The following KCNH8 variants were observed in gnomAD, a reference collection of about 807,000 sequenced individuals.
The protein encoded by KCNH8 is potassium voltage-gated channel subfamily H member 8.
A neutral mutation model predicts 103.6 loss-of-function variants in KCNH8; 70 were observed. That is an observed-to-expected ratio of 0.68 (90% confidence interval 0.56 to 0.82). KCNH8 has a LOEUF of 0.82. Among genes scored for constraint, KCNH8 ranks in the 40% least tolerant of loss-of-function variants. KCNH8 has a pLI of 0.00. For missense variants in KCNH8, 1,217 were observed against 1,329.9 expected, an observed-to-expected ratio of 0.92 and a Z score of 1.32; for synonymous variants, 498 against 489.4, an observed-to-expected ratio of 1.02 and a Z score of -0.23.
intron 1 of KCNH8, among the ~76,000 whole-genome samples, chr3:19,160,153 T>C (rs989105942): frequency 6.6e-5 from 10 of 152,094 alleles, no homozygotes; most frequent in East Asian, 1.9e-4. Flanking sequence ...AAAATCAGAA[T>C]GCATAAATCT....
At chr3:19,522,268 A>G (rs2068984765) in intron 15 of KCNH8, among the ~76,000 whole-genome samples, 1 of 151,956 alleles carries the variant, frequency 6.6e-6, no homozygotes, top group African/African-American at 2.4e-5. Context: ...CTGGAGAACC[A>G]GGAGATCTGA....
chr3:19,503,440 A>C (rs1468517538), intron 11 of KCNH8, among the ~76,000 whole-genome samples: 1 of 152,162 alleles, frequency 6.6e-6, no homozygotes, highest in Non-Finnish European at 1.5e-5. Flanking sequence ...ATATACCCAA[A>C]GGACTATAAA....
At chr3:19,523,328 A>G (rs2125249376) in intron 15 of KCNH8, among the ~76,000 whole-genome samples, 1 of 152,116 alleles carries the variant, frequency 6.6e-6, no homozygotes, top group Non-Finnish European at 1.5e-5. Context: ...ACTATGACCT[A>G]AAAGTTAGAT....
intron 5 of KCNH8, among the ~76,000 whole-genome samples, chr3:19,375,423 C>T (rs924629015): frequency 6.6e-6 from 1 of 151,278 alleles, no homozygotes; most frequent in Non-Finnish European, 1.5e-5. Context: ...CTGCATTCTT[C>T]ACGTAGTTCT....
At chr3:19,370,368 G>A (rs544385843) in intron 5 of KCNH8, among the ~76,000 whole-genome samples, 1 of 152,086 alleles carries the variant, frequency 6.6e-6, no homozygotes, top group African/African-American at 2.4e-5. Flanking sequence ...ATAGTTGAAG[G>A]GTAACCATTA....
chr3:19,332,383 G>T (rs1347523168), intron 3 of KCNH8, among the ~76,000 whole-genome samples: 1 of 152,088 alleles, frequency 6.6e-6, no homozygotes, highest in Non-Finnish European at 1.5e-5. Context: ...TGGACATAAT[G>T]CCCTGGAGAT....
Position 19,513,243 on chromosome 3 carries a change from A to C in KCNH8, c.2353A>C (p.Asn785His). 2 of 1,613,774 alleles carry C rather than the reference A, an allele frequency of 1.2e-6. No individual in the cohort carries two copies. The highest frequency in any genetic ancestry group is 4.5e-5 in the East Asian group (2 of 44,878). The change falls in exon 13 of 16, where the codon AAC (asparagine) becomes CAC (histidine). Residue 785 changes from asparagine (N) to histidine (H), a missense_variant. Transcript: ENST00000328405. ...PKTKQEIDPP[N>H]HNKRKEKNLK... The stretch of plus-strand genomic sequence containing the variant: ...AACCAAGCAGGAAATTGACCCCCCC[A>C]ACCATAATAAAAGGAAAGAGAAGAA...
At chr3:19,189,881 A>G (rs2063534913) in intron 1 of KCNH8, among the ~76,000 whole-genome samples, 1 of 152,046 alleles carries the variant, frequency 6.6e-6, no homozygotes, top group Non-Finnish European at 1.5e-5. Flanking sequence ...CAAAATTAAA[A>G]CTGACGCTAC....
chr3:19,443,795 A>G (rs1299464260), intron 8 of KCNH8, among the ~76,000 whole-genome samples: 1 of 152,062 alleles, frequency 6.6e-6, no homozygotes, highest in Non-Finnish European at 1.5e-5. Context: ...AAAATATAAA[A>G]AATGATTACA....
At chr3:19,338,460 A>G (rs1258227410) in intron 3 of KCNH8, among the ~76,000 whole-genome samples, 3 of 152,088 alleles carry the variant, frequency 2.0e-5, no homozygotes, top group Non-Finnish European at 4.4e-5. Flanking sequence ...AAATGGTTTG[A>G]TATCACTTTA....
intron 1 of KCNH8, among the ~76,000 whole-genome samples, chr3:19,225,094 C>T (rs536232301): frequency 6.6e-6 from 1 of 152,150 alleles, no homozygotes; most frequent in East Asian, 1.9e-4. Context: ...GTAGTCAAAA[C>T]ATGGAATACA....
intron 5 of KCNH8, among the ~76,000 whole-genome samples, chr3:19,380,100 A>G (rs1372460801): frequency 1.3e-5 from 2 of 152,162 alleles, no homozygotes; most frequent in African/African-American, 4.8e-5. Context: ...AAGTTTTGAG[A>G]GTTATATTTT....
chr3:19,530,426 TTATTA>T (rs1271405889), intron 15 of KCNH8, among the ~76,000 whole-genome samples: 2 of 152,154 alleles, frequency 1.3e-5, no homozygotes, highest in African/African-American at 4.8e-5. Flanking sequence ...ATATGTATAA[TTATTA>T]TATATCAGTA....
Position 19,438,322 on chromosome 3 carries a change from G to A in KCNH8, c.1336G>A (p.Ala446Thr). 6.2e-7 allele frequency: 1 copy of A among 1,614,012 alleles called. No individual in the cohort carries two copies. The highest frequency in any genetic ancestry group is 1.7e-5 in the Admixed American group (1 of 59,964). The change falls in exon 8 of 16, where the codon GCA becomes ACA. Residue 446 changes from alanine (A) to threonine (T), a missense_variant. Physicochemically the swap from Ala to Thr is moderately conservative, Grantham distance 58 (BLOSUM62 0). This residue lies in a region of KCNH8 where 415 missense variants were observed against 577.4 expected (regional missense o/e 0.72). Transcript: ENST00000328405. ...TGGGAACGTCTCTGCTAATACAGAT[G>A]CAGAAAAGATCTTCTCCATCTGCAC... The part of the protein sequence containing the change: ...GFGNVSANTD[A>T]EKIFSICTML...
intron 8 of KCNH8, 106 bp downstream of exon 8, chr3:19,438,467 C>G: frequency 1.1e-6 from 1 of 908,172 alleles, no homozygotes; most frequent in Non-Finnish European, 1.7e-6. Context: ...CTGATTAACA[C>G]TGGAAGATTC....
intron 5 of KCNH8, among the ~76,000 whole-genome samples, chr3:19,387,761 C>A (rs1249313787): frequency 6.6e-6 from 1 of 151,946 alleles, no homozygotes; most frequent in Non-Finnish European, 1.5e-5. Flanking sequence ...GTTTTAAAAT[C>A]TTTTATTCTT....
chr3:19,218,949 G>C (rs2063843934), intron 1 of KCNH8, among the ~76,000 whole-genome samples: 1 of 152,104 alleles, frequency 6.6e-6, no homozygotes, highest in African/African-American at 2.4e-5. Flanking sequence ...TTAACTAATG[G>C]CATCTGCAAT....
At chr3:19,190,523 T>C (rs187547555) in intron 1 of KCNH8, among the ~76,000 whole-genome samples, 6 of 152,138 alleles carry the variant, frequency 3.9e-5, no homozygotes, top group Admixed American at 3.3e-4. Flanking sequence ...TTATAAGGAA[T>C]AAAATATATA....
chr3:19,434,039 G>C (rs923054161), intron 7 of KCNH8, among the ~76,000 whole-genome samples: 1 of 152,126 alleles, frequency 6.6e-6, no homozygotes, highest in Non-Finnish European at 1.5e-5. Flanking sequence ...GATAACATAA[G>C]ATATCACCAC....
Sources: allele counts gnomAD v4.1 joint callset (sites outside exome capture counted in the v4.1 genomes callset), GRCh38; gene constraint gnomAD v4.1.1; regional missense constraint gnomAD v4.1.1; transcripts MANE v1.5; gene names NCBI Gene and HGNC (gene_info 2026-07-23, HGNC 2026-07-21).